CDH13: variants seen among roughly 807,000 people sequenced by gnomAD.
CDH13 encodes cadherin 13.
CDH13 carries 24 observed loss-of-function variants against 63.8 expected under a neutral mutation model. The ratio of observed to expected loss-of-function variants is 0.38; its 90% CI spans 0.27 to 0.53. CDH13 has a LOEUF of 0.53. Ranked by LOEUF, CDH13 falls within the 20% of genes least tolerant of loss-of-function variation. CDH13 has a pLI of 0.85. For missense variants in CDH13, 1,049 were observed against 903.1 expected, an observed-to-expected ratio of 1.16 and a Z score of -2.07; for synonymous variants, 503 against 355.3, an observed-to-expected ratio of 1.42 and a Z score of -4.67.
intron 5 of CDH13, among the ~76,000 whole-genome samples, chr16:83,319,991 C>T (rs1052867934): frequency 6.6e-6 from 1 of 152,272 alleles, no homozygotes; most frequent in South Asian, 2.1e-4. Flanking sequence ...GATTATTCTG[C>T]AGCACGTGAC....
intron 1 of CDH13, among the ~76,000 whole-genome samples, chr16:82,849,649 T>C (rs1162460345): frequency 1.3e-5 from 2 of 152,248 alleles, no homozygotes; most frequent in Non-Finnish European, 2.9e-5. Flanking sequence ...AAAACATTCT[T>C]ATACTGGATG....
chr16:83,481,118 C>A (rs553356291), intron 6 of CDH13, among the ~76,000 whole-genome samples: 1 of 152,194 alleles, frequency 6.6e-6, no homozygotes, highest in Non-Finnish European at 1.5e-5. Context: ...CAAAGAGGTT[C>A]ACCTGGTGAC....
intron 5 of CDH13, among the ~76,000 whole-genome samples, chr16:83,252,442 C>T (rs1214380644): frequency 6.6e-6 from 1 of 151,944 alleles, no homozygotes; most frequent in Non-Finnish European, 1.5e-5. Flanking sequence ...AAGATGGTGA[C>T]CTTAAAACCA....
intron 6 of CDH13, among the ~76,000 whole-genome samples, chr16:83,373,408 C>G (rs1032966713): frequency 6.6e-6 from 1 of 152,068 alleles, no homozygotes; most frequent in Non-Finnish European, 1.5e-5. Context: ...GATTGGTAAG[C>G]TGAGTCTTGA....
chr16:83,260,167 A>G (rs1448983404), intron 5 of CDH13, among the ~76,000 whole-genome samples: 1 of 150,806 alleles, frequency 6.6e-6, no homozygotes, highest in East Asian at 2.0e-4. Context: ...AAAGTTTACA[A>G]ATAATACTTA....
intron 5 of CDH13, among the ~76,000 whole-genome samples, chr16:83,283,987 T>C (rs965314779): frequency 3.3e-5 from 5 of 152,180 alleles, no homozygotes; most frequent in Non-Finnish European, 5.9e-5. Flanking sequence ...TGTAAGTGAA[T>C]GAGGATAGAC....
At chr16:83,362,747 C>T (rs1032081009) in intron 6 of CDH13, among the ~76,000 whole-genome samples, 3 of 152,198 alleles carry the variant, frequency 2.0e-5, no homozygotes, top group African/African-American at 7.2e-5. Flanking sequence ...TCTTAGTATG[C>T]CTGCTTTTCC....
chr16:83,241,415 C>T (rs992815845), intron 5 of CDH13, among the ~76,000 whole-genome samples: 1 of 152,130 alleles, frequency 6.6e-6, no homozygotes, highest in African/African-American at 2.4e-5. Flanking sequence ...ATGTTGTTTT[C>T]TATAATGATT....
intron 6 of CDH13, among the ~76,000 whole-genome samples, chr16:83,436,140 C>A (rs2072293946): frequency 6.6e-6 from 1 of 152,154 alleles, no homozygotes; most frequent in African/African-American, 2.4e-5. Context: ...TCACCAGTGG[C>A]AAGGTGGAGA....
rs542316058 is a variant in CDH13, at chr16:83,691,002, G to A, written c.1538+12541G>A. The stretch of plus-strand genomic sequence containing the variant: ...CTCCCAAAGTGCTGGGATAACAGGT[G>A]TGAACCACTGGGCCAGGCCCTGAAT... On this transcript the variant is annotated intron_variant, in intron 10 of 13. Transcript: ENST00000567109. Among the ~76,000 whole-genome samples the A allele has an allele frequency of 1.4e-4, 22 of 152,182 alleles. No homozygotes were observed. In the South Asian group the frequency reaches 1.5e-3, roughly 10 times the overall value.
intron 7 of CDH13, among the ~76,000 whole-genome samples, chr16:83,522,009 GA>G (rs757448666): frequency 6.6e-6 from 1 of 152,178 alleles, no homozygotes; most frequent in Non-Finnish European, 1.5e-5. Context: ...ATGGAGAGAT[GA>G]ATCCATCAGC....
chr16:83,322,404 A>C (rs999035538), intron 5 of CDH13, among the ~76,000 whole-genome samples: 1 of 152,246 alleles, frequency 6.6e-6, no homozygotes, highest in East Asian at 1.9e-4. Flanking sequence ...CTCCAAAACT[A>C]AAACGAAAAG....
At chr16:83,695,308 A>G (rs1480567095) in intron 10 of CDH13, among the ~76,000 whole-genome samples, 2 of 152,260 alleles carry the variant, frequency 1.3e-5, no homozygotes, top group African/African-American at 4.8e-5. Flanking sequence ...CAGCTCACAT[A>G]TGACTCAGCA....
At chr16:83,740,943 G>A (rs1248302105) in intron 10 of CDH13, among the ~76,000 whole-genome samples, 2 of 152,224 alleles carry the variant, frequency 1.3e-5, no homozygotes, top group East Asian at 3.8e-4. Flanking sequence ...GGAAGGCTGA[G>A]GAAAGAGATA....
At chr16:82,971,999 G>C (rs977343833) in intron 2 of CDH13, among the ~76,000 whole-genome samples, 1 of 152,166 alleles carries the variant, frequency 6.6e-6, no homozygotes, top group Non-Finnish European at 1.5e-5. Flanking sequence ...TTATTGCTGG[G>C]CCCTGCCATA....
chr16:83,412,838 A>G (rs1319686496), intron 6 of CDH13, among the ~76,000 whole-genome samples: 1 of 152,222 alleles, frequency 6.6e-6, no homozygotes, highest in Non-Finnish European at 1.5e-5. Flanking sequence ...CAAGAACTGC[A>G]GCTTTGGGAA....
intron 6 of CDH13, among the ~76,000 whole-genome samples, chr16:83,377,589 C>G (rs1333244834): frequency 6.6e-6 from 1 of 152,168 alleles, no homozygotes; most frequent in Admixed American, 6.5e-5. Context: ...TTCTAACATG[C>G]AACCACAGGC....
chr16:83,162,096 C>G (rs916560095), intron 4 of CDH13, among the ~76,000 whole-genome samples: 1 of 152,232 alleles, frequency 6.6e-6, no homozygotes. Context: ...TAAACATGAA[C>G]TGCTTCTCAG....
intron 10 of CDH13, among the ~76,000 whole-genome samples, chr16:83,704,416 C>T (rs1175334520): frequency 6.6e-6 from 1 of 151,834 alleles, no homozygotes; most frequent in Admixed American, 6.6e-5. Flanking sequence ...AGCTTAGACT[C>T]GGGTCAGGTC....
Sources: gnomAD v4.1 joint callset for allele counts (sites outside exome capture counted in the v4.1 genomes callset) on GRCh38, gnomAD v4.1.1 for gene constraint, MANE v1.5 for transcripts, NCBI Gene and HGNC (gene_info 2026-07-23, HGNC 2026-07-21) for gene names.